Variants in LPIN1 observed in about 807,000 individuals in gnomAD.
The protein encoded by LPIN1 is phosphatidate phosphatase LPIN1.
Under a neutral mutation model 107.5 loss-of-function variants are expected in LPIN1, and 71 were observed. The ratio of observed to expected loss-of-function variants is 0.66; its 90% CI spans 0.55 to 0.80. The LOEUF (loss-of-function observed/expected upper bound fraction) is 0.80, where lower values mean the gene tolerates loss of function less well. Ranked by LOEUF, LPIN1 falls within the 30% of genes least tolerant of loss-of-function variation. The pLI, the probability that LPIN1 is intolerant of heterozygous loss-of-function variation, is 0.00. For synonymous variants in LPIN1, 445 were observed against 452.6 expected, an observed-to-expected ratio of 0.98 and a Z score of 0.21; for missense variants, 1,043 against 1,160.6, an observed-to-expected ratio of 0.90 and a Z score of 1.47.
chr2:11,728,625 G>A (rs1466704360), intron 1 of LPIN1, among the ~76,000 whole-genome samples: 10 of 152,174 alleles, frequency 6.6e-5, no homozygotes, highest in East Asian at 1.9e-4. Context: ...AGCTCAAGCC[G>A]TCTGCCTCCC....
rs948647493 is a variant in LPIN1, at chr2:11,774,878, C to T, written c.722+1133C>T. On this transcript the variant is annotated intron_variant, in intron 5 of 20. Transcript: ENST00000674199. This position sits in a 1 kb window ranked among gnomAD's most constrained non-coding sequence, Gnocchi z 4.4. Reference sequence around the variant, plus strand: ...AAGTCCCTGCATGGAGGTCTTCCTGCGTCAGAGCCTAGCCCTGTTCAATAG... The same window carrying T: ...AAGTCCCTGCATGGAGGTCTTCCTGTGTCAGAGCCTAGCCCTGTTCAATAG... Among the ~76,000 whole-genome samples, 3 of 151,610 alleles carry T rather than the reference C, an allele frequency of 2.0e-5. No individual in the cohort carries two copies. Among genetic ancestry groups the T allele is most frequent in the African/African-American group, 4.9e-5 (2 of 41,192 alleles).
intron 14 of LPIN1, among the ~76,000 whole-genome samples, chr2:11,795,938 A>G (rs1016264693): frequency 6.6e-6 from 1 of 152,210 alleles, no homozygotes; most frequent in Non-Finnish European, 1.5e-5. Flanking sequence ...ACATGGATTC[A>G]TATTCACTTG....
At chr2:11,809,358 G>A (rs1263410463) in intron 17 of LPIN1, among the ~76,000 whole-genome samples, 1 of 152,160 alleles carries the variant, frequency 6.6e-6, no homozygotes, top group Non-Finnish European at 1.5e-5. Context: ...CTGGGGTCTA[G>A]GTATGCGGTG....
chr2:11,724,398 A>G (rs1664390168), exon 1 of LPIN1: 1 of 986,374 alleles, frequency 1.0e-6, no homozygotes, highest in Non-Finnish European at 1.2e-6. Context: ...AGGCAGCCTG[A>G]GGGAAGGAAC....
chr2:11,779,782 C>A (rs1464138480), intron 7 of LPIN1, 137 bp downstream of exon 7: 5 of 1,002,128 alleles, frequency 5.0e-6, no homozygotes, highest in Non-Finnish European at 7.7e-6. Flanking sequence ...AAGGGTTAGC[C>A]TTGAATGTTG....
chr2:11,784,185 T>C, intron 9 of LPIN1: 1 of 743,250 alleles, frequency 1.3e-6, no homozygotes, highest in Non-Finnish European at 1.9e-6. Context: ...GCACCTGTAA[T>C]CCCAGCTACT....
chr2:11,803,000 C>G lies in LPIN1; in HGVS notation c.1980C>G (p.Tyr660Ter). 1 of 1,613,006 alleles carries G rather than the reference C, an allele frequency of 6.2e-7. No homozygotes were observed. Among genetic ancestry groups the G allele is most frequent in the South Asian group, 1.1e-5 (1 of 91,012 alleles). Reference sequence around the variant, plus strand: ...TCCCTCTTCTGCCTAATGTCAGCTACAAGAAGACTCTCCGGCTGACTTCCG... The same window carrying G: ...TCCCTCTTCTGCCTAATGTCAGCTAGAAGAAGACTCTCCGGCTGACTTCCG... Reference protein sequence around the residue: ...GHLPLLPNVSYKKTLRLTSEQ... With the variant: ...GHLPLLPNVS The change falls in exon 15 of 21, where the codon TAC becomes TAG. Residue 660 changes from tyrosine to a stop codon, truncating the protein, a stop_gained. Coordinates refer to ENST00000674199, the MANE Select transcript of LPIN1 (RefSeq NM_001349206.2). LOFTEE classifies it high-confidence loss of function.
upstream of LPIN1, among the ~76,000 whole-genome samples, chr2:11,723,232 G>C (rs377222944): frequency 6.6e-6 from 1 of 152,182 alleles, no homozygotes; most frequent in African/African-American, 2.4e-5. Context: ...GATGACCCAT[G>C]GTTCATGAAC....
chr2:11,686,484 G>C (rs1662008069), intron 1 of LPIN1, among the ~76,000 whole-genome samples: 1 of 152,186 alleles, frequency 6.6e-6, no homozygotes, highest in Non-Finnish European at 1.5e-5. Flanking sequence ...GGTGGGGAAG[G>C]ACGGTGCTGG....
In LPIN1 at chr2:11,786,025, C is replaced by T. The variant is rs1039483846; in HGVS notation, c.1549+949C>T. ...CTCTCTGGACACTGGCGTGAGGAGT[C>T]CCCTGGGCGTTCCCTCCCTGATATA... On this transcript the variant is annotated intron_variant, in intron 10 of 20. Transcript: ENST00000674199. The surrounding 1 kb of genome is among the most constrained non-coding windows in gnomAD (Gnocchi z 4.1). Among the ~76,000 whole-genome samples, 8 of 152,086 alleles carry T rather than the reference C, an allele frequency of 5.3e-5. No homozygotes were observed. The highest frequency in any genetic ancestry group is 8.8e-5 in the Non-Finnish European group (6 of 68,020).
intron 18 of LPIN1, chr2:11,816,667 C>T (rs1219165922): frequency 2.6e-5 from 4 of 152,070 alleles, no homozygotes; most frequent in African/African-American, 4.8e-5. Context: ...AAGCCAGAGC[C>T]GTTCCATGTG....
chr2:11,773,600 T>G lies in LPIN1; in HGVS notation c.597-20T>G. On this transcript the variant is annotated intron_variant, in intron 4 of 20. Transcript: ENST00000674199. ...ATCATTAAGAATTCTTTGACTTTAA[T>G]CTTTTTTTTTTTCCTCCAGAACTCT... 6.3e-7 allele frequency: 1 copy of G among 1,592,534 alleles called. No individual in the cohort carries two copies. Among genetic ancestry groups the G allele is most frequent in the Middle Eastern group, 1.7e-4 (1 of 5,734 alleles).
chr2:11,811,084 C>T (rs1293016720), intron 17 of LPIN1, among the ~76,000 whole-genome samples: 1 of 152,152 alleles, frequency 6.6e-6, no homozygotes, highest in African/African-American at 2.4e-5. Flanking sequence ...CCCACCTGTC[C>T]TTCTGGGTAT....
chr2:11,745,915 T>G (rs1016908317), upstream of LPIN1: 5 of 152,266 alleles, frequency 3.3e-5, no homozygotes, highest in African/African-American at 1.2e-4. Context: ...AGAGTTTCAG[T>G]TCAAATATGA....
Position 11,786,973 on chromosome 2 carries a change from C to T in LPIN1, c.1550-101C>T. 1 of 817,400 alleles carries T rather than the reference C, an allele frequency of 1.2e-6. No homozygotes were observed. 50.6% of individuals were successfully genotyped at this position (817,400 alleles called of 1,614,324 possible). A position where few individuals can be genotyped will look rare whatever the true frequency, so the allele number is the denominator to read the frequency against. ...TGTCTGCACAGTTGGAATGCACAAA[C>T]TCTCAGAAAACACTTGTGAGTGAGC... On this transcript the variant is annotated intron_variant, in intron 10 of 20. Transcript: ENST00000674199. This position sits in a 1 kb window ranked among gnomAD's most constrained non-coding sequence, Gnocchi z 4.1.
At chr2:11,712,894 G>A (rs1663502535) in intron 1 of LPIN1, among the ~76,000 whole-genome samples, 2 of 152,330 alleles carry the variant, frequency 1.3e-5, no homozygotes, top group South Asian at 4.1e-4. Context: ...CTACCTGCTA[G>A]GATAACGCCA....
chr2:11,806,166 C>G (rs1024087301), intron 17 of LPIN1, among the ~76,000 whole-genome samples: 15 of 152,330 alleles, frequency 9.8e-5, no homozygotes, highest in African/African-American at 3.4e-4. Flanking sequence ...CCATGGTTCC[C>G]AACCTTGTTT....
chr2:11,765,161 C>T lies in LPIN1; in HGVS notation c.-9-372C>T, dbSNP rs563718108. 5.3e-5 allele frequency among the ~76,000 whole-genome samples: 8 copies of T among 150,926 alleles called. No individual in the cohort carries two copies. The highest frequency in any genetic ancestry group is 3.9e-4 in the East Asian group (2 of 5,086). On this transcript the variant is annotated intron_variant, in intron 1 of 20. Transcript: ENST00000674199. This position sits in a 1 kb window ranked among gnomAD's most constrained non-coding sequence, Gnocchi z 4.4. ...TGGGCCATGATGGACCGTGATGGGCCGTAACGGGCCGTGATGGACCCTGAT... is the reference window on the plus strand; with the variant it reads ...TGGGCCATGATGGACCGTGATGGGCTGTAACGGGCCGTGATGGACCCTGAT...
Position 11,774,344 on chromosome 2 carries a change from G to A in LPIN1, c.722+599G>A, listed in dbSNP as rs2148640376. ...GTTTTCAAAGGACTTGGGGAAGAGGGTAGAGCTAAATCCTGTGTTCTCAAC... is the reference window on the plus strand; with the variant it reads ...GTTTTCAAAGGACTTGGGGAAGAGGATAGAGCTAAATCCTGTGTTCTCAAC... On this transcript the variant is annotated intron_variant, in intron 5 of 20. Transcript: ENST00000674199. This position sits in a 1 kb window ranked among gnomAD's most constrained non-coding sequence, Gnocchi z 4.4. 6.6e-6 allele frequency among the ~76,000 whole-genome samples: 1 copy of A among 152,274 alleles called. No individual in the cohort carries two copies. Among genetic ancestry groups the A allele is most frequent in the South Asian group, 2.1e-4 (1 of 4,820 alleles).
Sources: allele counts gnomAD v4.1 joint callset (sites outside exome capture counted in the v4.1 genomes callset), GRCh38; gene constraint gnomAD v4.1.1; non-coding constraint Gnocchi (gnomAD v3.1); transcripts MANE v1.5; gene names NCBI Gene and HGNC (gene_info 2026-07-23, HGNC 2026-07-21).